The following NR6A1 variants were observed in gnomAD, a reference collection of about 807,000 sequenced individuals.
NR6A1 encodes nuclear receptor subfamily 6 group A member 1, also known as retinoic acid receptor-related testis-associated receptor.
Under a neutral mutation model 59.1 loss-of-function variants are expected in NR6A1, and 7 were observed. The observed-to-expected ratio is 0.12, with a 90% CI of 0.07 to 0.22. NR6A1 has a LOEUF of 0.22. Among genes scored for constraint, NR6A1 ranks in the 10% least tolerant of loss-of-function variants. The pLI is 1.00. For missense variants in NR6A1, 468 were observed against 611.6 expected, an observed-to-expected ratio of 0.77 and a Z score of 2.48; for synonymous variants, 243 against 236.1, an observed-to-expected ratio of 1.03 and a Z score of -0.27.
rs1223408691 is a variant in NR6A1, at chr9:124,521,234, G to A, written c.*1471C>T. On this transcript the variant is annotated 3_prime_UTR_variant, in exon 10 of 10. Transcript: ENST00000487099. ...CAGACCTGGTGTAGCGCTGGCCAAAGTCAAGAGGGTAAGGAACACGTCCTG... is the reference window on the plus strand; with the variant it reads ...CAGACCTGGTGTAGCGCTGGCCAAAATCAAGAGGGTAAGGAACACGTCCTG... 1 of 152,560 alleles carries A rather than the reference G, an allele frequency of 6.6e-6. No individual in the cohort carries two copies. The highest frequency in any genetic ancestry group is 6.5e-5 in the Admixed American group (1 of 15,284). 9.5% of individuals were successfully genotyped at this position (152,560 alleles called of 1,614,324 possible).
At chr9:124,523,810 G>GT (rs1337276188) in intron 9 of NR6A1, among the ~76,000 whole-genome samples, 1 of 152,002 alleles carries the variant, frequency 6.6e-6, no homozygotes, top group Non-Finnish European at 1.5e-5. Flanking sequence ...CTTTAAAATC[G>GT]TATTGCTTTC....
At chr9:124,548,258 C>A (rs1275056136) in intron 3 of NR6A1, among the ~76,000 whole-genome samples, 1 of 152,156 alleles carries the variant, frequency 6.6e-6, no homozygotes, top group Non-Finnish European at 1.5e-5. Context: ...ACTGTTGCAA[C>A]TTTTCTGTAA....
chr9:124,699,134 C>G (rs967145994), intron 2 of NR6A1, among the ~76,000 whole-genome samples: 1 of 152,176 alleles, frequency 6.6e-6, no homozygotes. Flanking sequence ...CTCTCCATCT[C>G]AGATGTGAAA....
At chr9:124,731,382 AAAAG>A (rs1463267245) in intron 2 of NR6A1, among the ~76,000 whole-genome samples, 1 of 152,086 alleles carries the variant, frequency 6.6e-6, no homozygotes, top group Admixed American at 6.5e-5. Context: ...AAAAAAAAAA[AAAAG>A]AAAGGACCAT....
intron 2 of NR6A1, among the ~76,000 whole-genome samples, chr9:124,631,300 T>C (rs113056985): frequency 2.7e-4 from 41 of 152,342 alleles, no homozygotes; most frequent in East Asian, 1.2e-3. Context: ...CTGAATTACA[T>C]AGAATATGGC....
chr9:124,561,479 A>G (rs1834083201), intron 2 of NR6A1, among the ~76,000 whole-genome samples: 1 of 152,202 alleles, frequency 6.6e-6, no homozygotes, highest in Admixed American at 6.5e-5. Context: ...TTGAGAATGA[A>G]TAAGGCAATA....
rs62581824 is a variant in NR6A1, at chr9:124,677,250, A to G, written c.142+56058T>C. On this transcript the variant is annotated intron_variant, in intron 2 of 9. Transcript: ENST00000487099. ...AGTAACTACCAAGCTTTACTTCCAAATTATTATTACTATTTCCTTTCTTCT... is the reference window on the plus strand; with the variant it reads ...AGTAACTACCAAGCTTTACTTCCAAGTTATTATTACTATTTCCTTTCTTCT... 4.6e-3 allele frequency among the ~76,000 whole-genome samples: 699 copies of G among 152,172 alleles called. 3 individuals are homozygous for G. The highest frequency in any genetic ancestry group is 7.2e-3 in the Non-Finnish European group (491 of 68,008).
chr9:124,529,746 C>T (rs1324491831), intron 7 of NR6A1, among the ~76,000 whole-genome samples: 1 of 152,196 alleles, frequency 6.6e-6, no homozygotes. Flanking sequence ...CTACAGTGCA[C>T]AGAACTGCCA....
intron 2 of NR6A1, among the ~76,000 whole-genome samples, chr9:124,730,640 A>C (rs1005873955): frequency 1.3e-5 from 2 of 149,744 alleles, no homozygotes; most frequent in Admixed American, 6.7e-5. Context: ...CATGGAATAG[A>C]GAGGTCTATA....
At chr9:124,681,262 T>C (rs1396647297) in intron 2 of NR6A1, among the ~76,000 whole-genome samples, 1 of 152,108 alleles carries the variant, frequency 6.6e-6, no homozygotes, top group Non-Finnish European at 1.5e-5. Context: ...GGATATTTTC[T>C]TGAAAATGAA....
intron 2 of NR6A1, among the ~76,000 whole-genome samples, chr9:124,649,417 A>T (rs1470692585): frequency 6.6e-6 from 1 of 152,120 alleles, no homozygotes; most frequent in Non-Finnish European, 1.5e-5. Context: ...AGAAGAAAGA[A>T]ACTAGATCCT....
intron 2 of NR6A1, among the ~76,000 whole-genome samples, chr9:124,682,367 T>C (rs1838193675): frequency 6.6e-6 from 1 of 152,162 alleles, no homozygotes; most frequent in African/African-American, 2.4e-5. Flanking sequence ...ATATGCAAAA[T>C]TGTCTGAACT....
chr9:124,715,202 G>GAA (rs1231756488), intron 2 of NR6A1, among the ~76,000 whole-genome samples: 5 of 123,562 alleles, frequency 4.0e-5, no homozygotes, highest in African/African-American at 5.9e-5. Context: ...CTTCGTCTCA[G>GAA]AAAAAAAAAA....
chr9:124,745,267 A>AC (rs398096667), intron 1 of NR6A1, among the ~76,000 whole-genome samples: 46 of 151,688 alleles, frequency 3.0e-4, no homozygotes, highest in African/African-American at 8.7e-4. Flanking sequence ...GAAAAAAAAA[A>AC]CACTTTGGTC....
At chr9:124,630,108 T>G (rs954999518) in intron 2 of NR6A1, among the ~76,000 whole-genome samples, 3 of 152,022 alleles carry the variant, frequency 2.0e-5, no homozygotes, top group Non-Finnish European at 4.4e-5. Flanking sequence ...AATACAGAGC[T>G]ATATGTGAAT....
At chr9:124,599,643 C>A in intron 2 of NR6A1, 1 of 1,160,976 alleles carries the variant, frequency 8.6e-7, no homozygotes. Flanking sequence ...GGCCTCTCGG[C>A]GACTACTCGT....
chr9:124,748,738 G>A (rs967121575), intron 1 of NR6A1, among the ~76,000 whole-genome samples: 1 of 151,876 alleles, frequency 6.6e-6, no homozygotes, highest in Non-Finnish European at 1.5e-5. Context: ...GGTGGCAGGC[G>A]CCTGTAGTCC....
At chr9:124,703,416 C>T (rs115192243) in intron 2 of NR6A1, among the ~76,000 whole-genome samples, 1,852 of 151,474 alleles carry the variant, frequency 0.012, 27 homozygotes, top group African/African-American at 0.036. Flanking sequence ...CTATGTTACC[C>T]AGGCTGGTCT....
chr9:124,720,286 G>A (rs573898019), intron 2 of NR6A1, among the ~76,000 whole-genome samples: 12 of 152,072 alleles, frequency 7.9e-5, no homozygotes, highest in African/African-American at 2.7e-4. Context: ...CCTGACCTCA[G>A]GTGATCCACC....
Sources: allele counts gnomAD v4.1 joint callset (sites outside exome capture counted in the v4.1 genomes callset), GRCh38; gene constraint gnomAD v4.1.1; transcripts MANE v1.5; gene names NCBI Gene and HGNC (gene_info 2026-07-23, HGNC 2026-07-21).